Variants in KPNA4 observed in about 807,000 individuals in gnomAD.
KPNA4 encodes importin subunit alpha-3.
Under a neutral mutation model 71.3 loss-of-function variants are expected in KPNA4, and 13 were observed. The ratio of observed to expected loss-of-function variants is 0.18; its 90% confidence interval spans 0.12 to 0.29. KPNA4 has a LOEUF of 0.29. KPNA4 is among the 10% of genes least tolerant of loss of function. KPNA4 has a pLI of 1.00. For missense variants in KPNA4, 334 were observed against 603.2 expected, an observed-to-expected ratio of 0.55 and a Z score of 4.67; for synonymous variants, 189 against 195.2, an observed-to-expected ratio of 0.97 and a Z score of 0.26.
Position 160,502,029 on chromosome 3 carries a change from T to A in KPNA4, c.*75A>T, listed in dbSNP as rs1720893465. 1 of 402,296 alleles carries A rather than the reference T, an allele frequency of 2.5e-6. No homozygotes were observed. Among genetic ancestry groups the A allele is most frequent in the Admixed American group, 3.5e-5 (1 of 28,908 alleles). 24.9% of individuals were successfully genotyped at this position (402,296 alleles called of 1,614,324 possible). ...AAACCTTTTTATATATATGTATATA[T>A]ATATATATATACACACACACATATA... On this transcript the variant is annotated 3_prime_UTR_variant, in exon 17 of 17. Coordinates refer to ENST00000334256, the MANE Select transcript of KPNA4 (RefSeq NM_002268.5).
At chr3:160,503,828 AT>A (rs1415132653) in intron 16 of KPNA4, among the ~76,000 whole-genome samples, 2 of 152,218 alleles carry the variant, frequency 1.3e-5, no homozygotes, top group African/African-American at 2.4e-5. Context: ...CATGCCTGTA[AT>A]CCCAGCACTT....
intron 16 of KPNA4, among the ~76,000 whole-genome samples, chr3:160,503,546 A>G (rs185655352): frequency 6.6e-6 from 1 of 152,306 alleles, no homozygotes; most frequent in East Asian, 1.9e-4. Flanking sequence ...ATTATTATAT[A>G]CATTATTCTA....
Position 160,509,911 on chromosome 3 carries a change from T to TTTTCC in KPNA4, c.1138-41_1138-40insGGAAA, listed in dbSNP as rs769518869. The TTTTCC allele has an allele frequency of 4.7e-6, 6 of 1,274,778 alleles. No individual in the cohort carries two copies. In the East Asian group the frequency reaches 1.2e-4, roughly 25 times the overall value. The allele number at this position is 1,274,778 out of a possible 1,614,324, so 79.0% of individuals were successfully genotyped here. ...AACAAAGGCTATAAAAATTGCCACA[T>TTTTCC]AGAGTAAACTGGAAAAAATGTTTGC... On this transcript the variant is annotated intron_variant, in intron 13 of 16. Transcript: ENST00000334256.
intron 1 of KPNA4, among the ~76,000 whole-genome samples, chr3:160,539,170 T>TTC (rs140222269): frequency 1.8e-4 from 27 of 150,604 alleles, no homozygotes; most frequent in Non-Finnish European, 3.1e-4. Context: ...TTTGGGTACT[T>TTC]TCTCTCTCTC....
chr3:160,556,255 G>A (rs1722135291), intron 1 of KPNA4, among the ~76,000 whole-genome samples: 2 of 152,268 alleles, frequency 1.3e-5, no homozygotes, highest in South Asian at 4.1e-4. Flanking sequence ...AGAACTGCTG[G>A]GTCACATGTT....
At chr3:160,510,189 CAA>C (rs1721062428) in intron 13 of KPNA4, among the ~76,000 whole-genome samples, 1 of 152,080 alleles carries the variant, frequency 6.6e-6, no homozygotes, top group Non-Finnish European at 1.5e-5. Flanking sequence ...AATTTCACTA[CAA>C]AGTCACGTAA....
intron 7 of KPNA4, among the ~76,000 whole-genome samples, chr3:160,529,567 AG>A (rs1348896410): frequency 7.3e-6 from 1 of 136,796 alleles, no homozygotes; most frequent in Admixed American, 7.0e-5. Flanking sequence ...TGTACAAATT[AG>A]TGCTTACATT....
At position 160,504,962 on chromosome 3, in the gene KPNA4, T is replaced by A; in HGVS notation, c.1463A>T (p.Asp488Val). The A allele has an allele frequency of 2.8e-6, 4 of 1,445,776 alleles. No individual in the cohort carries two copies. The highest frequency in any genetic ancestry group is 3.7e-6 in the Non-Finnish European group (4 of 1,070,198). The allele number at this position is 1,445,776 out of a possible 1,614,324, so 89.6% of individuals were successfully genotyped here. The change falls in exon 16 of 17, where the codon GAT becomes GTT. Residue 488 changes from aspartate (D) to valine (V), a missense_variant. Coordinates refer to ENST00000334256, the MANE Select transcript of KPNA4 (RefSeq NM_002268.5). ...AACTACAAAATTATTAAATACATCATCTGAAGAGAAGAACTGATCAATGAT... is the reference window on the plus strand; with the variant it reads ...AACTACAAAATTATTAAATACATCAACTGAAGAGAAGAACTGATCAATGAT... ...YEIIDQFFSS[D>V]DIDEDPSLVP...
chr3:160,557,616 G>T (rs997344066), intron 1 of KPNA4, among the ~76,000 whole-genome samples: 6 of 152,126 alleles, frequency 3.9e-5, no homozygotes, highest in Non-Finnish European at 8.8e-5. Context: ...AAAAATGACA[G>T]GTGACTAAAT....
chr3:160,562,792 A>G (rs1722271885), intron 1 of KPNA4, among the ~76,000 whole-genome samples: 1 of 152,214 alleles, frequency 6.6e-6, no homozygotes, highest in South Asian at 2.1e-4. Context: ...ATTTCTAAAC[A>G]AAACAAAACA....
At chr3:160,513,003 C>T (rs1051993298) in intron 13 of KPNA4, among the ~76,000 whole-genome samples, 2 of 152,108 alleles carry the variant, frequency 1.3e-5, no homozygotes, top group Non-Finnish European at 2.9e-5. Flanking sequence ...TAATGGATAA[C>T]TTTATAACCA....
Position 160,495,122 on chromosome 3 carries a change from G to A in KPNA4, c.*6982C>T, listed in dbSNP as rs1470684112. 6.6e-6 allele frequency: 1 copy of A among 152,162 alleles called. No homozygotes were observed. The highest frequency in any genetic ancestry group is 2.4e-5 in the African/African-American group (1 of 41,420). The allele number at this position is 152,162 out of a possible 1,614,324, so 9.4% of individuals were successfully genotyped here. On this transcript the variant is annotated 3_prime_UTR_variant, in exon 17 of 17. Coordinates refer to ENST00000334256, the MANE Select transcript of KPNA4 (RefSeq NM_002268.5). ...TAAGGAGCTTACAATCTAGTGGAAA[G>A]AAAGACGGAGAAACTCAGATGTGAT...
intron 7 of KPNA4, among the ~76,000 whole-genome samples, chr3:160,530,134 C>CAAAAA (rs746257397): frequency 2.9e-4 from 11 of 38,496 alleles, no homozygotes; most frequent in African/African-American, 5.0e-4. Flanking sequence ...GACTCCATCT[C>CAAAAA]AAAAAAAAAA....
chr3:160,561,526 T>C (rs899359164), intron 1 of KPNA4, among the ~76,000 whole-genome samples: 1 of 152,074 alleles, frequency 6.6e-6, no homozygotes, highest in Admixed American at 6.5e-5. Context: ...TATGCCTTCT[T>C]TGGTGCGTTT....
intron 1 of KPNA4, among the ~76,000 whole-genome samples, chr3:160,552,434 A>T (rs999211551): frequency 3.9e-5 from 6 of 152,112 alleles, no homozygotes; most frequent in East Asian, 1.9e-4. Flanking sequence ...TAAAAAAAAA[A>T]TTTCATTTAA....
At chr3:160,503,518 C>T (rs549060800) in intron 16 of KPNA4, among the ~76,000 whole-genome samples, 6 of 152,220 alleles carry the variant, frequency 3.9e-5, no homozygotes, top group African/African-American at 7.2e-5. Flanking sequence ...AATAGTTCTG[C>T]TAATAATGGT....
Position 160,530,769 on chromosome 3 carries a change from T to G in KPNA4, c.469+86A>C, listed in dbSNP as rs540881045. On this transcript the variant is annotated intron_variant, in intron 7 of 16. Transcript: ENST00000334256. ...AGTAGCTATTATTTTATAATTTAAA[T>G]TGCCATAGTCTTTTGGGAAGATCAC... The G allele has an allele frequency of 1.6e-3, 1,348 of 847,812 alleles. 37 individuals carry two copies. The South Asian group carries it at 0.021, about 13-fold the overall frequency. 52.5% of individuals were successfully genotyped at this position (847,812 alleles called of 1,614,324 possible). A position where few individuals can be genotyped will look rare whatever the true frequency, so the allele number is the denominator to read the frequency against.
At chr3:160,528,809 C>G (rs1187036159) in intron 7 of KPNA4, among the ~76,000 whole-genome samples, 1 of 152,192 alleles carries the variant, frequency 6.6e-6, no homozygotes, top group Admixed American at 6.5e-5. Flanking sequence ...AGGTCTGTAT[C>G]TGAACAAAAT....
At chr3:160,512,662 T>C (rs1407442584) in intron 13 of KPNA4, among the ~76,000 whole-genome samples, 1 of 152,114 alleles carries the variant, frequency 6.6e-6, no homozygotes, top group African/African-American at 2.4e-5. Context: ...TGAAACCGCA[T>C]CTCTACTAAA....
Sources: gnomAD v4.1 joint callset for allele counts (sites outside exome capture counted in the v4.1 genomes callset) on GRCh38, gnomAD v4.1.1 for gene constraint, MANE v1.5 for transcripts, NCBI Gene and HGNC (gene_info 2026-07-23, HGNC 2026-07-21) for gene names.